The following FMNL2 variants were observed in gnomAD, a reference collection of about 807,000 sequenced individuals.
FMNL2 encodes the protein formin-like protein 2.
In FMNL2, 51 loss-of-function variants were observed where a neutral mutation model predicts 130.2. The ratio of observed to expected loss-of-function variants is 0.39; its 90% CI spans 0.31 to 0.49. FMNL2 has a LOEUF of 0.49. Among genes scored for constraint, FMNL2 ranks in the 20% least tolerant of loss-of-function variants. The probability of loss-of-function intolerance (pLI) is 0.85; values close to 1 mark genes in which losing one functional copy is unlikely to be tolerated. For synonymous variants in FMNL2, 465 were observed against 467.1 expected (o/e 1.00, Z 0.06); for missense variants, 977 against 1,316.2 (o/e 0.74, Z 3.99).
At chr2:152,529,666 G>T (rs1043265224) in intron 2 of FMNL2, among the ~76,000 whole-genome samples, 19 of 152,248 alleles carry the variant, frequency 1.2e-4, no homozygotes, top group African/African-American at 4.3e-4. Flanking sequence ...ACCTAGAAGT[G>T]AATTTACATT....
chr2:152,636,733 C>A, intron 22 of FMNL2, 143 bp downstream of exon 22: 2 of 1,019,606 alleles, frequency 2.0e-6, no homozygotes, highest in Non-Finnish European at 2.8e-6. Flanking sequence ...TTATTTATTA[C>A]GGGGGGACCA....
At chr2:152,361,452 T>C (rs1287835021) in intron 1 of FMNL2, among the ~76,000 whole-genome samples, 1 of 152,220 alleles carries the variant, frequency 6.6e-6, no homozygotes, top group East Asian at 1.9e-4. Flanking sequence ...ACTTTATAGA[T>C]AATTATCCTT....
At chr2:152,574,635 G>A (rs1413248910) in intron 6 of FMNL2, among the ~76,000 whole-genome samples, 1 of 152,010 alleles carries the variant, frequency 6.6e-6, no homozygotes, top group Non-Finnish European at 1.5e-5. Context: ...TTAACAAAAG[G>A]CAGTTGATTC....
At chr2:152,478,545 T>C (rs1370087645) in intron 1 of FMNL2, among the ~76,000 whole-genome samples, 1 of 152,108 alleles carries the variant, frequency 6.6e-6, no homozygotes, top group Admixed American at 6.5e-5. Context: ...CTGAAAATTT[T>C]TTTAGTTATT....
chr2:152,567,287 C>G (rs148915276), intron 6 of FMNL2, among the ~76,000 whole-genome samples: 24 of 152,238 alleles, frequency 1.6e-4, no homozygotes, highest in African/African-American at 1.9e-4. Context: ...GCCAGCCTCC[C>G]CTTTCATTTG....
intron 25 of FMNL2, among the ~76,000 whole-genome samples, chr2:152,641,984 A>AG (rs1683123364): frequency 6.6e-6 from 1 of 150,978 alleles, no homozygotes; most frequent in Non-Finnish European, 1.5e-5. Flanking sequence ...TCTGTTGCCC[A>AG]GGCTGGAGTG....
At chr2:152,535,247 C>T (rs1380955712) in intron 2 of FMNL2, among the ~76,000 whole-genome samples, 3 of 152,116 alleles carry the variant, frequency 2.0e-5, no homozygotes, top group African/African-American at 7.2e-5. Context: ...ACCACATATC[C>T]CTCCTTTCTC....
chr2:152,617,063 T>G (rs1698991800), intron 12 of FMNL2, 28 bp from the exon 13 acceptor site: 4 of 1,601,876 alleles, frequency 2.5e-6, no homozygotes, highest in Non-Finnish European at 3.4e-6. Context: ...TCCTGTATTG[T>G]GACAGCTTTC....
chr2:152,460,068 CTATT>C (rs1446887969), intron 1 of FMNL2, among the ~76,000 whole-genome samples: 2 of 152,178 alleles, frequency 1.3e-5, no homozygotes, highest in African/African-American at 2.4e-5. Flanking sequence ...AGTCAGTTCT[CTATT>C]TAACTATTAA....
intron 7 of FMNL2, among the ~76,000 whole-genome samples, chr2:152,577,998 A>G (rs1696569076): frequency 6.6e-6 from 1 of 152,072 alleles, no homozygotes; most frequent in Admixed American, 6.5e-5. Flanking sequence ...GGAGAGGGAA[A>G]AATAAGGGGG....
chr2:152,383,644 G>C (rs1175846189), intron 1 of FMNL2, among the ~76,000 whole-genome samples: 1 of 152,042 alleles, frequency 6.6e-6, no homozygotes, highest in Non-Finnish European at 1.5e-5. Context: ...ATATCTTACT[G>C]TTATTATATA....
At chr2:152,599,410 T>TTC in intron 9 of FMNL2, among the ~76,000 whole-genome samples, 1 of 112,010 alleles carries the variant, frequency 8.9e-6, no homozygotes, top group Non-Finnish European at 1.8e-5. Flanking sequence ...GTCATCTTTT[T>TTC]TTTTTTTTTT....
chr2:152,347,719 C>T (rs1375987212), intron 1 of FMNL2, among the ~76,000 whole-genome samples: 1 of 152,106 alleles, frequency 6.6e-6, no homozygotes, highest in African/African-American at 2.4e-5. Context: ...ATTTCATGTT[C>T]TGGTTCAATT....
At chr2:152,410,341 C>T (rs771282759) in intron 1 of FMNL2, among the ~76,000 whole-genome samples, 5 of 152,174 alleles carry the variant, frequency 3.3e-5, no homozygotes, top group African/African-American at 7.2e-5. Context: ...AAATGATTGG[C>T]GTCTCACTGC....
intron 9 of FMNL2, among the ~76,000 whole-genome samples, chr2:152,593,890 TGTGTGTGTGTGTGAGAGAGA>T (rs1202531749): frequency 3.6e-5 from 4 of 112,408 alleles, no homozygotes; most frequent in African/African-American, 1.3e-4. Context: ...TGTGTGTGTG[TGTGTGTGTGTGTGAGAGAGA>T]GAGAGAGAGA....
chr2:152,589,981 A>ATATATG (rs1553482691), intron 9 of FMNL2, among the ~76,000 whole-genome samples: 1 of 42,484 alleles, frequency 2.4e-5, no homozygotes, highest in Non-Finnish European at 4.4e-5. Context: ...ATATATATAT[A>ATATATG]TATGTATATG....
intron 9 of FMNL2, among the ~76,000 whole-genome samples, chr2:152,600,489 G>T (rs965255358): frequency 6.6e-6 from 1 of 152,182 alleles, no homozygotes; most frequent in Non-Finnish European, 1.5e-5. Flanking sequence ...GGACAGAGAG[G>T]TGGCTGAAGT....
chr2:152,509,105 C>G (rs551577489), intron 1 of FMNL2, among the ~76,000 whole-genome samples: 1 of 152,304 alleles, frequency 6.6e-6, no homozygotes, highest in African/African-American at 2.4e-5. Context: ...CACTTTACAC[C>G]TAGAATGTAC....
At chr2:152,410,594 T>C (rs765638460) in intron 1 of FMNL2, among the ~76,000 whole-genome samples, 3 of 152,220 alleles carry the variant, frequency 2.0e-5, no homozygotes, top group Non-Finnish European at 4.4e-5. Flanking sequence ...TAGCTAAATC[T>C]TGAATTTGGT....
Sources: allele counts gnomAD v4.1 joint callset (sites outside exome capture counted in the v4.1 genomes callset), GRCh38; gene constraint gnomAD v4.1.1; transcripts MANE v1.5; gene names NCBI Gene and HGNC (gene_info 2026-07-23, HGNC 2026-07-21).